Variants in TMEM71 observed in about 807,000 individuals in gnomAD.
TMEM71 encodes the protein transmembrane protein 71.
In TMEM71, 44 loss-of-function variants were observed where a neutral mutation model predicts 38.0. The observed-to-expected ratio is 1.16, with a 90% confidence interval of 0.91 to 1.49. TMEM71 has a LOEUF of 1.49. TMEM71 is among the 40% of genes most tolerant of loss of function. The pLI, the probability that TMEM71 is intolerant of heterozygous loss-of-function variation, is 0.00. For missense variants in TMEM71, 367 were observed against 348.6 expected (o/e 1.05, Z -0.42); for synonymous variants, 133 against 122.5 (o/e 1.09, Z -0.56).
At chr8:132,720,317 A>G (rs1826770628) in intron 7 of TMEM71, among the ~76,000 whole-genome samples, 1 of 152,196 alleles carries the variant, frequency 6.6e-6, no homozygotes, top group Non-Finnish European at 1.5e-5. Context: ...AGGAGTATCC[A>G]CAAACATTAA....
rs1828421053 is a variant in TMEM71 at position 132,746,929 on chromosome 8, G to T, written c.487+13C>A. 1 of 1,574,112 alleles carries T rather than the reference G, an allele frequency of 6.4e-7. No homozygotes were observed. Among genetic ancestry groups the T allele is most frequent in the Non-Finnish European group, 8.6e-7 (1 of 1,163,108 alleles). On this transcript the variant is annotated intron_variant, in intron 5 of 9. Transcript: ENST00000677595. Reference sequence around the variant, plus strand: ...GATAAAATTTTACTATGGAAAGGAGGACTCAAACTCACCATTTCCATTGCA... The same window carrying T: ...GATAAAATTTTACTATGGAAAGGAGTACTCAAACTCACCATTTCCATTGCA...
downstream of TMEM71, among the ~76,000 whole-genome samples, chr8:132,706,504 A>G (rs1826096609): frequency 6.6e-6 from 1 of 152,092 alleles, no homozygotes; most frequent in Non-Finnish European, 1.5e-5. Context: ...TACTTTCTCA[A>G]TCTTTTTAGC....
At chr8:132,746,440 C>T (rs1371279369) in intron 5 of TMEM71, among the ~76,000 whole-genome samples, 4 of 15,030 alleles carry the variant, frequency 2.7e-4, no homozygotes, top group East Asian at 1.9e-3. Flanking sequence ...TATATATATA[C>T]ATATACATAT....
intron 5 of TMEM71, among the ~76,000 whole-genome samples, chr8:132,740,665 T>C (rs1267414574): frequency 1.3e-5 from 2 of 152,154 alleles, no homozygotes; most frequent in Non-Finnish European, 2.9e-5. Context: ...AACTGAAAGA[T>C]CAGTGTGATC....
At chr8:132,718,409 T>TTC (rs1298718934) in intron 7 of TMEM71, among the ~76,000 whole-genome samples, 1 of 150,286 alleles carries the variant, frequency 6.7e-6, no homozygotes, top group Admixed American at 6.6e-5. Context: ...TTTTTTTTTT[T>TTC]TTTTTTGAGA....
chr8:132,735,354 A>T (rs979547281), intron 5 of TMEM71, among the ~76,000 whole-genome samples: 1 of 152,244 alleles, frequency 6.6e-6, no homozygotes, highest in African/African-American at 2.4e-5. Context: ...GATTGCATCC[A>T]TTGCTCAGAG....
At chr8:132,707,743 C>T (rs1430115226), downstream of TMEM71, among the ~76,000 whole-genome samples, 1 of 152,158 alleles carries the variant, frequency 6.6e-6, no homozygotes, top group Non-Finnish European at 1.5e-5. Context: ...TATTCTGGTA[C>T]AGCAACACAA....
chr8:132,767,923 G>T, the TMEM71 span, among the ~76,000 whole-genome samples: 1 of 152,078 alleles, frequency 6.6e-6, no homozygotes, highest in Non-Finnish European at 1.5e-5. Flanking sequence ...TTATGTTGGC[G>T]GTATGAGTTG....
the TMEM71 span, among the ~76,000 whole-genome samples, chr8:132,765,921 T>C: frequency 6.6e-6 from 1 of 152,088 alleles, no homozygotes; most frequent in Non-Finnish European, 1.5e-5. Context: ...CCTGAGTAGC[T>C]GGGATTACAG....
At chr8:132,774,514 T>G in the TMEM71 span, among the ~76,000 whole-genome samples, 5 of 152,256 alleles carry the variant, frequency 3.3e-5, no homozygotes, top group Non-Finnish European at 4.4e-5. Flanking sequence ...TTAAAGAGAG[T>G]TACTTTGCTA....
chr8:132,714,256 G>T, intron 7 of TMEM71, 41 bp from the exon 8 acceptor site: 1 of 1,474,992 alleles, frequency 6.8e-7, no homozygotes, highest in Non-Finnish European at 9.5e-7. Context: ...TACTAATTGT[G>T]CATTTCCAAC....
chr8:132,742,541 C>A (rs1828102329), intron 5 of TMEM71, among the ~76,000 whole-genome samples: 3 of 152,174 alleles, frequency 2.0e-5, no homozygotes, highest in Admixed American at 6.5e-5. Context: ...GCATTATACT[C>A]AAATTATTTG....
chr8:132,727,695 G>A (rs1827223940), intron 6 of TMEM71, 103 bp downstream of exon 6: 2 of 1,024,332 alleles, frequency 2.0e-6, no homozygotes, highest in African/African-American at 3.2e-5. Context: ...CGCACAGGTT[G>A]GTACCAGCTC....
At chr8:132,762,564 A>G (rs897820378), upstream of TMEM71, among the ~76,000 whole-genome samples, 2 of 152,072 alleles carry the variant, frequency 1.3e-5, no homozygotes, top group Admixed American at 1.3e-4. Flanking sequence ...AGTGCTTACT[A>G]TGTACCAGGC....
chr8:132,759,705 T>G (rs1032634235), intron 1 of TMEM71, among the ~76,000 whole-genome samples: 1 of 152,232 alleles, frequency 6.6e-6, no homozygotes, highest in Non-Finnish European at 1.5e-5. Flanking sequence ...TCACCACTTA[T>G]GGCCACATTT....
At chr8:132,757,955 A>G (rs544973207) in intron 2 of TMEM71, 1 of 152,314 alleles carries the variant, frequency 6.6e-6, no homozygotes, top group East Asian at 1.9e-4. Flanking sequence ...CAAATCAATT[A>G]CCCAATGTGT....
chr8:132,751,715 T>C, intron 4 of TMEM71, 70 bp downstream of exon 4: 1 of 1,425,966 alleles, frequency 7.0e-7, no homozygotes, highest in Non-Finnish European at 9.9e-7. Flanking sequence ...GTTGAGTGAA[T>C]AAATGAATGA....
intron 5 of TMEM71, among the ~76,000 whole-genome samples, chr8:132,730,467 T>C (rs895513558): frequency 3.9e-5 from 6 of 152,106 alleles, no homozygotes; most frequent in Non-Finnish European, 7.4e-5. Flanking sequence ...TAATCTCCTA[T>C]GGGTAAGGAG....
rs574034359 is a variant in TMEM71, at chr8:132,732,712, T to C, written c.488-4726A>G. On this transcript the variant is annotated intron_variant, in intron 5 of 9. Transcript: ENST00000677595. ...GCTCCAAGAGACATTGGGGTCCTCA[T>C]ACAACAGTAGTTCTTAATAGGGGGT... Among the ~76,000 whole-genome samples, 22 of 152,302 alleles carry C rather than the reference T, an allele frequency of 1.4e-4. No individual in the cohort carries two copies. In the South Asian group the frequency reaches 3.1e-3, roughly 22 times the overall value.
Sources: allele counts gnomAD v4.1 joint callset (sites outside exome capture counted in the v4.1 genomes callset), GRCh38; gene constraint gnomAD v4.1.1; transcripts MANE v1.5; gene names NCBI Gene and HGNC (gene_info 2026-07-23, HGNC 2026-07-21).